Variants in LMBR1 observed in about 807,000 individuals in gnomAD.
LMBR1 encodes limb region 1 protein homolog.
Under a neutral mutation model 73.9 loss-of-function variants are expected in LMBR1, and 52 were observed. The ratio of observed to expected loss-of-function variants is 0.70; its 90% CI spans 0.56 to 0.89. The LOEUF is 0.89. Among genes scored for constraint, LMBR1 ranks in the 40% least tolerant of loss-of-function variants. The probability of loss-of-function intolerance (pLI) is 0.00; values close to 1 mark genes in which losing one functional copy is unlikely to be tolerated. For synonymous variants in LMBR1, 215 were observed against 209.4 expected (o/e 1.03, Z -0.23); for missense variants, 539 against 579.8 (o/e 0.93, Z 0.72).
At chr7:156,777,808 T>C (rs561178575) in intron 5 of LMBR1, among the ~76,000 whole-genome samples, 12 of 152,334 alleles carry the variant, frequency 7.9e-5, no homozygotes, top group African/African-American at 2.6e-4. Context: ...CCTCCTTCAA[T>C]ATCACATACC....
chr7:156,798,214 T>C (rs192490417), intron 4 of LMBR1, among the ~76,000 whole-genome samples: 2 of 152,190 alleles, frequency 1.3e-5, no homozygotes, highest in African/African-American at 4.8e-5. Flanking sequence ...TGGTAAGCAT[T>C]AAATAATGCA....
At chr7:156,856,435 G>A (rs1236489175) in intron 1 of LMBR1, among the ~76,000 whole-genome samples, 1 of 152,060 alleles carries the variant, frequency 6.6e-6, no homozygotes, top group East Asian at 1.9e-4. Context: ...TTAGGCCAGT[G>A]TCATGAACGG....
At chr7:156,856,136 A>G (rs1796936059) in intron 1 of LMBR1, among the ~76,000 whole-genome samples, 1 of 152,036 alleles carries the variant, frequency 6.6e-6, no homozygotes, top group Non-Finnish European at 1.5e-5. Flanking sequence ...CGGAGCTTGC[A>G]GTGAGCCGAG....
At chr7:156,722,027 T>C (rs561280555) in intron 15 of LMBR1, among the ~76,000 whole-genome samples, 81 of 152,254 alleles carry the variant, frequency 5.3e-4, no homozygotes, top group African/African-American at 1.9e-3. Context: ...ATTTCTTTTA[T>C]ACTAGATTCG....
chr7:156,682,641 G>A lies in LMBR1; in HGVS notation c.*1437C>T, dbSNP rs1402201805. The A allele has an allele frequency of 6.6e-6, 1 of 152,162 alleles. No homozygotes were observed. The highest frequency in any genetic ancestry group is 2.4e-5 in the African/African-American group (1 of 41,428). The allele number at this position is 152,162 out of a possible 1,614,324, so 9.4% of individuals were successfully genotyped here. On this transcript the variant is annotated 3_prime_UTR_variant, in exon 17 of 17. Transcript: ENST00000353442. ...TAAGGGGGAAGTGTACTCAACAAAGGTTGTAAATATACAGATTAAAGTTTC... is the reference window on the plus strand; with the variant it reads ...TAAGGGGGAAGTGTACTCAACAAAGATTGTAAATATACAGATTAAAGTTTC...
chr7:156,756,544 A>T, intron 8 of LMBR1, 79 bp from the exon 9 acceptor site: 3 of 728,766 alleles, frequency 4.1e-6, no homozygotes, highest in Non-Finnish European at 4.7e-6. Context: ...CTATTTGGTC[A>T]ATTTATTTTA....
chr7:156,702,043 G>T (rs1263027232), intron 15 of LMBR1, among the ~76,000 whole-genome samples: 1 of 152,144 alleles, frequency 6.6e-6, no homozygotes. Flanking sequence ...GGGCATTTGG[G>T]TTGATTCCAT....
chr7:156,709,598 GAAGAACAAT>G (rs1439144076), intron 15 of LMBR1, among the ~76,000 whole-genome samples: 1 of 152,164 alleles, frequency 6.6e-6, no homozygotes, highest in Admixed American at 6.5e-5. Flanking sequence ...GTTAAGCCCA[GAAGAACAAT>G]AACAATCACT....
At chr7:156,712,830 G>A (rs1812360964) in intron 15 of LMBR1, among the ~76,000 whole-genome samples, 1 of 152,172 alleles carries the variant, frequency 6.6e-6, no homozygotes, top group African/African-American at 2.4e-5. Context: ...GTAGGGTGCA[G>A]AATGATAGAA....
At chr7:156,763,346 A>G (rs1823477253) in intron 6 of LMBR1, among the ~76,000 whole-genome samples, 170 bp from the exon 7 acceptor site, 1 of 152,072 alleles carries the variant, frequency 6.6e-6, no homozygotes, top group Admixed American at 6.5e-5. Flanking sequence ...AAAAAGATCT[A>G]AAATAGAAAA....
chr7:156,763,040 T>C (rs915108478), intron 7 of LMBR1, 68 bp downstream of exon 7: 11 of 816,696 alleles, frequency 1.3e-5, no homozygotes, highest in Non-Finnish European at 4.0e-6. Context: ...ATCAGAAAAC[T>C]TCCCTGAATT....
intron 15 of LMBR1, among the ~76,000 whole-genome samples, chr7:156,700,204 T>G (rs1809335773): frequency 6.6e-6 from 1 of 152,212 alleles, no homozygotes; most frequent in Admixed American, 6.5e-5. Flanking sequence ...CATGGAATAC[T>G]ATGCAGCCAT....
chr7:156,762,311 C>G, intron 7 of LMBR1, 113 bp from the exon 8 acceptor site: 1 of 692,486 alleles, frequency 1.4e-6, no homozygotes. Context: ...ATTTTAAGAA[C>G]ATTCTTCTCT....
chr7:156,727,592 G>C (rs937849927), intron 12 of LMBR1, among the ~76,000 whole-genome samples: 1 of 152,140 alleles, frequency 6.6e-6, no homozygotes, highest in African/African-American at 2.4e-5. Context: ...GATGGCACAA[G>C]GTCCTGGAAA....
chr7:156,822,195 C>A (rs1222906526), intron 4 of LMBR1: 6 of 152,112 alleles, frequency 3.9e-5, no homozygotes. Flanking sequence ...GACAGACAAA[C>A]CAGAGGGAAA....
chr7:156,757,635 T>G (rs1417325203), intron 8 of LMBR1, among the ~76,000 whole-genome samples: 1 of 152,164 alleles, frequency 6.6e-6, no homozygotes, highest in Non-Finnish European at 1.5e-5. Context: ...TATCCTCACA[T>G]CCAAACTACT....
chr7:156,752,841 T>A (rs187827355), intron 9 of LMBR1, among the ~76,000 whole-genome samples: 1 of 151,814 alleles, frequency 6.6e-6, no homozygotes, highest in South Asian at 2.1e-4. Flanking sequence ...GCTAGCAGAA[T>A]GAAGGCTCGG....
At chr7:156,801,677 A>G (rs117716097) in intron 4 of LMBR1, among the ~76,000 whole-genome samples, 4,840 of 152,134 alleles carry the variant, frequency 0.032, 123 homozygotes, top group South Asian at 0.084. Flanking sequence ...GACTATAGGC[A>G]CATGCCACCG....
rs78838110 is a variant in LMBR1, at chr7:156,684,063, C to T, written c.*15G>A. The T allele has an allele frequency of 1.7e-3, 2,740 of 1,605,102 alleles. 51 individuals are homozygous for T. The African/African-American group carries it at 0.032, about 19-fold the overall frequency. The stretch of plus-strand genomic sequence containing the variant: ...TCTCGGGTCTCTTGGTGGCAGAAGA[C>T]GCCGTCTGTGCGTCTCACAGTGCTT... On this transcript the variant is annotated 3_prime_UTR_variant, in exon 17 of 17. Coordinates refer to ENST00000353442, the MANE Select transcript of LMBR1 (RefSeq NM_022458.4).
Sources: allele counts gnomAD v4.1 joint callset (sites outside exome capture counted in the v4.1 genomes callset), GRCh38; gene constraint gnomAD v4.1.1; transcripts MANE v1.5; gene names NCBI Gene and HGNC (gene_info 2026-07-23, HGNC 2026-07-21).